SMG1: variants seen among roughly 807,000 people sequenced by gnomAD.
SMG1 encodes the protein SMG1 nonsense mediated mRNA decay associated PI3K related kinase, also known as serine/threonine-protein kinase SMG1.
Under a neutral mutation model 419.9 loss-of-function variants are expected in SMG1, and 22 were observed. The observed-to-expected ratio is 0.05, with a 90% confidence interval of 0.04 to 0.07. SMG1 has a LOEUF of 0.07. SMG1 is among the 10% of genes least tolerant of loss of function. SMG1 has a pLI of 1.00. For synonymous variants in SMG1, 1,538 were observed against 1,553.5 expected (o/e 0.99, Z 0.23); for missense variants, 3,185 against 4,342.0 (o/e 0.73, Z 7.49).
Position 18,852,111 on chromosome 16 carries a change from A to C in SMG1, c.5008T>G (p.Tyr1670Asp). 6.2e-7 allele frequency: 1 copy of C among 1,613,592 alleles called. No homozygotes were observed. The highest frequency in any genetic ancestry group is 8.5e-7 in the Non-Finnish European group (1 of 1,179,742). The change falls in exon 33 of 63, where the codon TAT becomes GAT. Residue 1670 changes from tyrosine to aspartate, a missense_variant. Physicochemically the swap from Tyr to Asp is radical, Grantham distance 160. Coordinates refer to ENST00000446231, the MANE Select transcript of SMG1 (RefSeq NM_015092.5). Reference protein sequence around the residue: ...TITEEEKERIYGILGQAVCRP... With the variant: ...TITEEEKERIDGILGQAVCRP... ...CACACAGCCTGTCCAAGAATACCAT[A>C]TATTCTCTCTTTCTCTTCCTCAGTT...
chr16:18,868,494 T>C, intron 21 of SMG1, 29 bp downstream of exon 21: 3 of 1,460,462 alleles, frequency 2.1e-6, no homozygotes, highest in Non-Finnish European at 1.9e-6. Flanking sequence ...TAAACTGCTA[T>C]AAAACAACAC....
chr16:18,901,294 G>C (rs567885958), intron 1 of SMG1, among the ~76,000 whole-genome samples: 22 of 152,242 alleles, frequency 1.4e-4, no homozygotes, highest in African/African-American at 5.3e-4. Flanking sequence ...CATGACCATA[G>C]CTCACTGCAG....
chr16:18,846,079 G>T (rs555278578), intron 38 of SMG1, among the ~76,000 whole-genome samples: 2 of 152,034 alleles, frequency 1.3e-5, no homozygotes, highest in African/African-American at 2.4e-5. Flanking sequence ...CTCCCAAAGT[G>T]CCAGAATTAC....
rs1192005221 is a variant in SMG1, at chr16:18,868,316, A to G, written c.3069T>C (p.Cys1023=). Reference sequence around the variant, plus strand: ...GTCGAATCCGCGTTAGCCAGTCCTGACAAGTTTGGCGATTGGTATAGAAAA... The same window carrying G: ...GTCGAATCCGCGTTAGCCAGTCCTGGCAAGTTTGGCGATTGGTATAGAAAA... ...RTFFYTNRQT[C]QDWLTRIRLS... is the part of the protein sequence containing the mutation. Residue 1023 remains cysteine (C), a synonymous_variant, in exon 22 of 63, where the codon TGT becomes TGC. Transcript: ENST00000446231. The G allele has an allele frequency of 1.3e-6, 2 of 1,484,620 alleles. No individual in the cohort carries two copies. The highest frequency in any genetic ancestry group is 1.2e-5 in the South Asian group (1 of 83,154). 92.0% of individuals were successfully genotyped at this position (1,484,620 alleles called of 1,614,324 possible).
In SMG1 at chr16:18,863,748, A is replaced by C. The variant is rs748279162; in HGVS notation, c.3597T>G (p.Asp1199Glu). 1.5e-5 allele frequency: 24 copies of C among 1,581,780 alleles called. No homozygotes were observed. The highest frequency in any genetic ancestry group is 2.0e-5 in the Non-Finnish European group (23 of 1,165,298). The change falls in exon 25 of 63, where the codon GAT becomes GAG. Residue 1199 changes from aspartate to glutamate, a missense_variant. This residue lies in a region of SMG1 where 120 missense variants were observed against 193.3 expected (regional missense o/e 0.62). Transcript: ENST00000446231. ...KACECYISIA[D>E]WAAVQEWQNA... ...TCTGCCATTCCTGCACAGCAGCCCA[A>C]TCGGCAATTGAGATGTAGCACTCAC...
In SMG1 at chr16:18,805,071, G is replaced by A. The variant is rs1019182705; in HGVS notation, c.*4498C>T. The A allele has an allele frequency of 6.6e-6, 1 of 152,588 alleles. No homozygotes were observed. The highest frequency in any genetic ancestry group is 1.5e-5 in the Non-Finnish European group (1 of 68,030). The allele number at this position is 152,588 out of a possible 1,614,324, so 9.5% of individuals were successfully genotyped here. ...GCATTACAACCTTTTGTACAGAAAA[G>A]CCACTATTTATACATTGTTACTAAG... On this transcript the variant is annotated 3_prime_UTR_variant, in exon 63 of 63. Coordinates refer to ENST00000446231, the MANE Select transcript of SMG1 (RefSeq NM_015092.5).
chr16:18,817,581 CAGAATTGGTCCT>C, intron 56 of SMG1, 111 bp from the exon 57 acceptor site: 1 of 862,400 alleles, frequency 1.2e-6, no homozygotes, highest in East Asian at 2.7e-5. Context: ...AATTCAGGAC[CAGAATTGGTCCT>C]GAAAATGTTT....
At chr16:18,880,424 C>T (rs2036330423) in intron 10 of SMG1, among the ~76,000 whole-genome samples, 1 of 152,122 alleles carries the variant, frequency 6.6e-6, no homozygotes, top group Admixed American at 6.6e-5. Context: ...TTAAAAGTAT[C>T]CTTGGAGGTT....
intron 1 of SMG1, among the ~76,000 whole-genome samples, chr16:18,915,224 C>T (rs569012448): frequency 2.0e-5 from 3 of 152,182 alleles, no homozygotes; most frequent in East Asian, 1.9e-4. Context: ...CCGCCCACCT[C>T]GGCCTCCCAA....
intron 56 of SMG1, among the ~76,000 whole-genome samples, chr16:18,818,286 G>A (rs1228722933): frequency 6.6e-6 from 1 of 152,146 alleles, no homozygotes; most frequent in African/African-American, 2.4e-5. Context: ...TTGGGAGGCT[G>A]AGGCAGGAGA....
At position 18,887,077 on chromosome 16, in the gene SMG1, G is replaced by T. The variant is rs546798393; in HGVS notation, c.823-1411C>A. Among the ~76,000 whole-genome samples, 34 of 152,266 alleles carry T rather than the reference G, an allele frequency of 2.2e-4. No individual in the cohort carries two copies. In the South Asian group the frequency reaches 7.1e-3, roughly 32 times the overall value. On this transcript the variant is annotated intron_variant, in intron 6 of 62. Coordinates refer to ENST00000446231, the MANE Select transcript of SMG1 (RefSeq NM_015092.5). ...GTATGGTTTTCAGATGCTCAACAAA[G>T]TGTGTGAGAAAATAAAACTGTGGCA...
chr16:18,810,020 G>C (rs1305774455), intron 62 of SMG1, among the ~76,000 whole-genome samples: 2 of 151,514 alleles, frequency 1.3e-5, no homozygotes, highest in African/African-American at 4.8e-5. Flanking sequence ...TTCAAGTCTA[G>C]GTCCTATACA....
intron 19 of SMG1, 90 bp from the exon 20 acceptor site, chr16:18,869,393 T>A (rs190747944): frequency 1.7e-6 from 2 of 1,164,482 alleles, no homozygotes; most frequent in East Asian, 2.6e-5. Context: ...AATAAGGAAC[T>A]GTAATTTTCC....
chr16:18,849,484 G>A, intron 35 of SMG1, 106 bp from the exon 36 acceptor site: 3 of 1,102,512 alleles, frequency 2.7e-6, no homozygotes, highest in South Asian at 3.2e-5. Context: ...GTCGGCATTA[G>A]TACGGATTTT....
intron 8 of SMG1, 85 bp downstream of exon 8, chr16:18,885,005 G>T: frequency 3.1e-6 from 2 of 652,492 alleles, no homozygotes; most frequent in South Asian, 1.7e-5. Context: ...CATTATTAAA[G>T]AAATGGTATT....
intron 50 of SMG1, among the ~76,000 whole-genome samples, chr16:18,833,541 G>C (rs903970027): frequency 1.5e-4 from 23 of 149,220 alleles, no homozygotes; most frequent in African/African-American, 5.4e-4. Flanking sequence ...TTTTGGTTTG[G>C]TTATAAGTGG....
Position 18,850,456 on chromosome 16 carries a change from TATA to T in SMG1, c.5061_5063del (p.Asp1687_Ile1688delinsGlu). The T allele has an allele frequency of 6.2e-7, 1 of 1,609,176 alleles. No homozygotes were observed. The highest frequency in any genetic ancestry group is 8.5e-7 in the Non-Finnish European group (1 of 1,176,616). On this transcript the variant is annotated inframe_deletion, in exon 34 of 63. Coordinates refer to ENST00000446231, the MANE Select transcript of SMG1 (RefSeq NM_015092.5). Reference sequence around the variant, plus strand: ...CTTCACTCTCAGTTATCTGAAGTGTTATATCTTCATCCTGAAGAAAAATTGTGC... The same window carrying T: ...CTTCACTCTCAGTTATCTGAAGTGTTTCTTCATCCTGAAGAAAAATTGTGC...
At chr16:18,843,936 G>A (rs2034073910) in intron 39 of SMG1, among the ~76,000 whole-genome samples, 2 of 151,954 alleles carry the variant, frequency 1.3e-5, no homozygotes, top group South Asian at 2.1e-4. Flanking sequence ...CTAAAAGAGA[G>A]ACACAGGTAT....
intron 29 of SMG1, chr16:18,857,697 C>G (rs2034990187): frequency 6.6e-6 from 1 of 152,344 alleles, no homozygotes; most frequent in African/African-American, 2.4e-5. Flanking sequence ...CAGGTTTATA[C>G]TGAATAGCGC....
Sources: gnomAD v4.1 joint callset for allele counts (sites outside exome capture counted in the v4.1 genomes callset) on GRCh38, gnomAD v4.1.1 for gene constraint, gnomAD v4.1.1 regional missense constraint, MANE v1.5 for transcripts, NCBI Gene and HGNC (gene_info 2026-07-23, HGNC 2026-07-21) for gene names.